Variants in DMD observed in about 807,000 individuals in gnomAD.
DMD encodes dystrophin.
In DMD, 63 loss-of-function variants were observed where a neutral mutation model predicts 330.1. That is an observed-to-expected ratio of 0.19 (90% CI 0.16 to 0.24). DMD has a LOEUF of 0.24. Among genes scored for constraint, DMD ranks in the 10% least tolerant of loss-of-function variants. The pLI, the probability that DMD is intolerant of heterozygous loss-of-function variation, is 1.00. For synonymous variants in DMD, 1,223 were observed against 959.8 expected, an observed-to-expected ratio of 1.27 and a Z score of -5.07; for missense variants, 3,344 against 2,684.1, an observed-to-expected ratio of 1.25 and a Z score of -5.43.
chrX:31,242,101 C>CA (rs1361952665), intron 63 of DMD, among the ~76,000 whole-genome samples: 4 of 107,698 alleles, frequency 3.7e-5, no homozygotes, highest in Non-Finnish European at 7.7e-5. Context: ...ACCAAAAATA[C>CA]AAAAATTAGC....
intron 34 of DMD, among the ~76,000 whole-genome samples, chrX:32,370,217 G>A (rs2097869357): frequency 1.5e-5 from 1 of 65,573 alleles, no homozygotes; most frequent in African/African-American, 4.7e-5. Flanking sequence ...GAAAGTGGTA[G>A]TGTTTTTTTT....
At chrX:31,731,383 A>T (rs1012492432) in intron 51 of DMD, among the ~76,000 whole-genome samples, 5 of 111,720 alleles carry the variant, frequency 4.5e-5, no homozygotes, top group Non-Finnish European at 9.4e-5. Context: ...CAGTGTTAGA[A>T]TGTGAAACTC....
chrX:31,943,888 A>G (rs112623913), intron 45 of DMD, among the ~76,000 whole-genome samples: 18 of 55,957 alleles, frequency 3.2e-4, no homozygotes, highest in African/African-American at 1.8e-3. Flanking sequence ...TGAGAGAGAG[A>G]GAGAGAGAGA....
At chrX:32,719,093 T>G (rs969949546) in intron 7 of DMD, among the ~76,000 whole-genome samples, 1 of 111,726 alleles carries the variant, frequency 9.0e-6, no homozygotes, top group African/African-American at 3.2e-5. Context: ...ACACTAAACA[T>G]AACTGGACAT....
intron 21 of DMD, among the ~76,000 whole-genome samples, chrX:32,481,160 T>C (rs1281613893): frequency 9.1e-6 from 1 of 110,394 alleles, no homozygotes; most frequent in East Asian, 2.9e-4. Context: ...CCCTTAAAAT[T>C]TTCTTCTACT....
intron 7 of DMD, among the ~76,000 whole-genome samples, chrX:32,760,573 C>A (rs1432476868): frequency 9.0e-6 from 1 of 111,627 alleles, no homozygotes; most frequent in Non-Finnish European, 1.9e-5. Context: ...CAATCAGAGA[C>A]ATGATACATA....
At chrX:31,686,002 C>T (rs1418644574) in intron 52 of DMD, among the ~76,000 whole-genome samples, 1 of 111,813 alleles carries the variant, frequency 8.9e-6, no homozygotes, top group African/African-American at 3.3e-5. Context: ...TTGTCCCACT[C>T]TCCTACTGGT....
chrX:32,961,548 A>G (rs1253219985), intron 2 of DMD, among the ~76,000 whole-genome samples: 4 of 111,534 alleles, frequency 3.6e-5, no homozygotes, highest in Non-Finnish European at 7.5e-5. Context: ...TCATAATCCC[A>G]CTCAACAAAA....
intron 13 of DMD, among the ~76,000 whole-genome samples, chrX:32,591,654 C>T (rs1011494240): frequency 8.9e-6 from 1 of 112,397 alleles, no homozygotes; most frequent in African/African-American, 3.2e-5. Flanking sequence ...GCAAGGGAGG[C>T]GTGGCCAGGG....
At chrX:32,681,439 T>C (rs773570355) in intron 9 of DMD, among the ~76,000 whole-genome samples, 1 of 112,009 alleles carries the variant, frequency 8.9e-6, no homozygotes, top group Admixed American at 9.5e-5. Context: ...TACTCATTCT[T>C]TTATACGTAA....
chrX:32,070,987 C>T (rs181089107), intron 44 of DMD, among the ~76,000 whole-genome samples: 26 of 111,596 alleles, frequency 2.3e-4, no homozygotes, highest in East Asian at 2.0e-3. Context: ...CTACAAAGGA[C>T]GTGAACTCAT....
At chrX:32,856,193 T>C (rs1283470623) in intron 2 of DMD, among the ~76,000 whole-genome samples, 1 of 111,914 alleles carries the variant, frequency 8.9e-6, no homozygotes, top group African/African-American at 3.3e-5. Context: ...AAAGGGAACC[T>C]TGGTACATCG....
chrX:32,704,983 T>G (rs2064478736), intron 7 of DMD, among the ~76,000 whole-genome samples: 1 of 112,402 alleles, frequency 8.9e-6, no homozygotes, highest in African/African-American at 3.2e-5. Flanking sequence ...ATCTAAATGC[T>G]GGAGTTTCTA....
chrX:33,079,984 A>G (rs2148229629), intron 1 of DMD, among the ~76,000 whole-genome samples: 1 of 112,490 alleles, frequency 8.9e-6, no homozygotes, highest in East Asian at 2.8e-4. Flanking sequence ...CGTCTTCAAA[A>G]GAGAAAACCA....
chrX:32,813,843 C>T (rs1011995390), intron 6 of DMD, among the ~76,000 whole-genome samples: 5 of 111,268 alleles, frequency 4.5e-5, no homozygotes, highest in Non-Finnish European at 7.5e-5. Flanking sequence ...ATACTCATAC[C>T]ATTTAATGTA....
At chrX:32,735,043 A>T (rs2068256019) in intron 7 of DMD, among the ~76,000 whole-genome samples, 1 of 111,257 alleles carries the variant, frequency 9.0e-6, no homozygotes, top group Non-Finnish European at 1.9e-5. Context: ...AATCTCCTTA[A>T]GCTGATAGGG....
chrX:32,344,099 C>G (rs1351695599), intron 39 of DMD, among the ~76,000 whole-genome samples: 1 of 112,108 alleles, frequency 8.9e-6, no homozygotes, highest in Non-Finnish European at 1.9e-5. Context: ...ATGCTCTTTA[C>G]AAGCACACTC....
chrX:32,402,863 T>C (rs1173866636), intron 30 of DMD, among the ~76,000 whole-genome samples: 1 of 111,730 alleles, frequency 9.0e-6, no homozygotes, highest in Non-Finnish European at 1.9e-5. Context: ...GCCAGCAATT[T>C]CTAAATTTTA....
At chrX:32,878,103 C>G (rs543497179) in intron 2 of DMD, among the ~76,000 whole-genome samples, 15 of 112,324 alleles carry the variant, frequency 1.3e-4, no homozygotes, top group African/African-American at 3.9e-4. Flanking sequence ...GGGCCGGGCG[C>G]GGTGGCTCAC....
Sources: gnomAD v4.1 joint callset for allele counts (sites outside exome capture counted in the v4.1 genomes callset) on GRCh38, gnomAD v4.1.1 for gene constraint, MANE v1.5 for transcripts, NCBI Gene and HGNC (gene_info 2026-07-23, HGNC 2026-07-21) for gene names.